The following TJP1 variants were observed in gnomAD, a reference collection of about 807,000 sequenced individuals.
TJP1 encodes the protein tight junction protein 1.
Under a neutral mutation model 194.2 loss-of-function variants are expected in TJP1, and 43 were observed. That is an observed-to-expected ratio of 0.22 (90% CI 0.17 to 0.29). The LOEUF is 0.29. Among genes scored for constraint, TJP1 ranks in the 10% least tolerant of loss-of-function variants. The pLI, the probability that TJP1 is intolerant of heterozygous loss-of-function variation, is 1.00. For missense variants in TJP1, 1,971 were observed against 2,185.7 expected (o/e 0.90, Z 1.96); for synonymous variants, 801 against 779.0 (o/e 1.03, Z -0.47).
chr15:29,901,838 G>T (rs897268475), intron 2 of TJP1, among the ~76,000 whole-genome samples: 2 of 146,420 alleles, frequency 1.4e-5, no homozygotes, highest in African/African-American at 5.1e-5. Flanking sequence ...AAAAAAAAAA[G>T]TGTCACTTTT....
chr15:29,742,370 C>T (rs1220180432), intron 9 of TJP1, among the ~76,000 whole-genome samples: 1 of 152,172 alleles, frequency 6.6e-6, no homozygotes, highest in East Asian at 1.9e-4. Context: ...TCATGTTTCT[C>T]TTTAAGGAGC....
chr15:29,774,044 C>T (rs1486299613), intron 2 of TJP1, among the ~76,000 whole-genome samples: 1 of 152,126 alleles, frequency 6.6e-6, no homozygotes, highest in Non-Finnish European at 1.5e-5. Flanking sequence ...TAAAAAATTA[C>T]CTAATCTCAA....
intron 2 of TJP1, among the ~76,000 whole-genome samples, chr15:29,849,745 CA>C (rs564053758): frequency 0.019 from 2,038 of 106,612 alleles, 46 homozygotes; most frequent in African/African-American, 0.062. Flanking sequence ...GACTCCGTCT[CA>C]AAAAAAAAAA....
At chr15:29,937,383 T>A (rs2054920207) in intron 2 of TJP1, among the ~76,000 whole-genome samples, 1 of 152,056 alleles carries the variant, frequency 6.6e-6, no homozygotes, top group South Asian at 2.1e-4. Flanking sequence ...GAACTGAAAA[T>A]TATATTTTAA....
chr15:29,744,375 G>A (rs1261564433), intron 8 of TJP1, among the ~76,000 whole-genome samples: 1 of 152,064 alleles, frequency 6.6e-6, no homozygotes, highest in East Asian at 1.9e-4. Flanking sequence ...TTATTCTAGA[G>A]AAATACAAAT....
chr15:29,811,846 G>T (rs1482685734), intron 1 of TJP1, among the ~76,000 whole-genome samples: 1 of 139,600 alleles, frequency 7.2e-6, no homozygotes, highest in African/African-American at 2.6e-5. Context: ...CCTACAGGCT[G>T]ATCTCTGTCC....
chr15:29,773,727 C>T (rs1307724842), intron 2 of TJP1, among the ~76,000 whole-genome samples: 1 of 152,224 alleles, frequency 6.6e-6, no homozygotes, highest in Non-Finnish European at 1.5e-5. Flanking sequence ...AGATGACAGA[C>T]TTATCCAGCA....
intron 2 of TJP1, among the ~76,000 whole-genome samples, chr15:29,852,545 A>T (rs1256343189): frequency 6.6e-6 from 1 of 152,210 alleles, no homozygotes; most frequent in African/African-American, 2.4e-5. Flanking sequence ...ACAGTTTAGC[A>T]GTTTCTTAAA....
In TJP1 at chr15:29,900,220, A is replaced by C. The variant is rs1596214540; in HGVS notation, c.306+56012T>G. 3.9e-5 allele frequency among the ~76,000 whole-genome samples: 6 copies of C among 152,188 alleles called. No homozygotes were observed. The South Asian group carries it at 1.2e-3, about 32-fold the overall frequency. ...AGGAGTGTGCTGGGCACGTGAACAC[A>C]GCCAGGGTGGCTGGAAAGAGCTACA... On this transcript the variant is annotated intron_variant, in intron 2 of 28. Transcript: ENST00000356107.
At chr15:29,712,597 A>G (rs529224745) in intron 23 of TJP1, among the ~76,000 whole-genome samples, 1 of 152,326 alleles carries the variant, frequency 6.6e-6, no homozygotes, top group South Asian at 2.1e-4. Context: ...ATTGAAGATA[A>G]ATAAAACACA....
intron 2 of TJP1, among the ~76,000 whole-genome samples, chr15:29,893,146 T>C (rs561441842): frequency 6.6e-6 from 1 of 152,212 alleles, no homozygotes; most frequent in East Asian, 1.9e-4. Context: ...GTGGAGGAAG[T>C]AACTGCAGAT....
chr15:29,781,436 GA>G (rs2047365601), intron 2 of TJP1, among the ~76,000 whole-genome samples: 1 of 152,086 alleles, frequency 6.6e-6, no homozygotes, highest in African/African-American at 2.4e-5. Context: ...CCCAAAAACT[GA>G]AGAGGAGGAA....
At chr15:29,889,198 T>A (rs1006507050) in intron 2 of TJP1, among the ~76,000 whole-genome samples, 1 of 152,250 alleles carries the variant, frequency 6.6e-6, no homozygotes, top group Admixed American at 6.5e-5. Flanking sequence ...CCTGTCATAA[T>A]GTTCTTATCA....
intron 1 of TJP1, among the ~76,000 whole-genome samples, chr15:29,803,926 T>G (rs560650491): frequency 2.6e-5 from 4 of 151,736 alleles, no homozygotes; most frequent in Non-Finnish European, 5.9e-5. Context: ...AGAAAGTAAT[T>G]GAGAATGAAA....
At chr15:29,814,253 T>C (rs1291205742) in intron 1 of TJP1, among the ~76,000 whole-genome samples, 3 of 152,236 alleles carry the variant, frequency 2.0e-5, no homozygotes, top group East Asian at 3.8e-4. Flanking sequence ...AGGATGACCA[T>C]AAGTTTGCTC....
At chr15:29,947,301 C>T (rs181866212) in intron 2 of TJP1, among the ~76,000 whole-genome samples, 283 of 152,224 alleles carry the variant, frequency 1.9e-3, no homozygotes, top group Middle Eastern at 3.4e-3. Context: ...CAGAAATAAG[C>T]CACCATACTT....
chr15:29,873,148 C>A (rs150355687), intron 2 of TJP1, among the ~76,000 whole-genome samples: 30 of 152,306 alleles, frequency 2.0e-4, no homozygotes, highest in African/African-American at 7.2e-4. Context: ...CAAAGGCCTG[C>A]TGTGGGTGAA....
chr15:29,903,371 T>A (rs2053694150), intron 2 of TJP1, among the ~76,000 whole-genome samples: 1 of 152,146 alleles, frequency 6.6e-6, no homozygotes, highest in Non-Finnish European at 1.5e-5. Context: ...GGTAAAACAG[T>A]GGGTAAAAAT....
At chr15:29,850,948 G>T (rs1020928762) in intron 2 of TJP1, among the ~76,000 whole-genome samples, 1 of 152,098 alleles carries the variant, frequency 6.6e-6, no homozygotes, top group African/African-American at 2.4e-5. Context: ...GATCAGCCTG[G>T]CCAATATGGT....
Sources: allele counts gnomAD v4.1 joint callset (sites outside exome capture counted in the v4.1 genomes callset), GRCh38; gene constraint gnomAD v4.1.1; transcripts MANE v1.5; gene names NCBI Gene and HGNC (gene_info 2026-07-23, HGNC 2026-07-21).